The following PCDHGA8 variants were observed in gnomAD, a reference collection of about 807,000 sequenced individuals.
PCDHGA8 encodes protocadherin gamma subfamily A, 8, also known as protocadherin gamma-A8.
In PCDHGA8, 45 loss-of-function variants were observed where a neutral mutation model predicts 59.2. The ratio of observed to expected loss-of-function variants is 0.76; its 90% CI spans 0.60 to 0.98. The LOEUF (loss-of-function observed/expected upper bound fraction) is 0.98. Among genes scored for constraint, PCDHGA8 ranks in the 50% least tolerant of loss-of-function variants. The pLI is 0.00. For synonymous variants in PCDHGA8, 531 were observed against 519.0 expected, an observed-to-expected ratio of 1.02 and a Z score of -0.32; for missense variants, 1,257 against 1,196.2, an observed-to-expected ratio of 1.05 and a Z score of -0.75.
chr5:141,401,655 A>G (rs1011518295), intron 1 of PCDHGA8, among the ~76,000 whole-genome samples: 2 of 152,232 alleles, frequency 1.3e-5, no homozygotes, highest in South Asian at 2.1e-4. Context: ...AAATGACTGG[A>G]TGTTTTCTCA....
Position 141,491,620 on chromosome 5 carries a change from A to C in PCDHGA8, c.2425-3187A>C. On this transcript the variant is annotated intron_variant, in intron 1 of 3. Coordinates refer to ENST00000398604, the MANE Select transcript of PCDHGA8 (RefSeq NM_032088.2). This position sits in a 1 kb window ranked among gnomAD's most constrained non-coding sequence, Gnocchi z 6.9. ...TGACTTCACTTTTCTAAGACCCCTC[A>C]GCGTTCAGCAGCCCACAGCTCTGGC... is the stretch of plus-strand genomic sequence containing the variant. 6.2e-7 allele frequency: 1 copy of C among 1,613,906 alleles called. No individual in the cohort carries two copies. The highest frequency in any genetic ancestry group is 1.1e-5 in the South Asian group (1 of 91,084).
At chr5:141,465,730 T>G (rs1373873081) in intron 1 of PCDHGA8, among the ~76,000 whole-genome samples, 2 of 152,186 alleles carry the variant, frequency 1.3e-5, no homozygotes, top group Non-Finnish European at 2.9e-5. Context: ...CCTCTTGTGC[T>G]TTGTTTTCAG....
intron 1 of PCDHGA8, chr5:141,423,372 C>G: frequency 6.2e-7 from 1 of 1,614,178 alleles, no homozygotes; most frequent in Non-Finnish European, 8.5e-7. Context: ...TGCTGGCACT[C>G]AGGCTGTGGC....
Position 141,448,073 on chromosome 5 carries a change from C to T in PCDHGA8, c.2425-46734C>T, listed in dbSNP as rs1025112556. ...TGCTCTCCAGCCTGGGCAACATGAA[C>T]GAAATGCCATCTTAAAAAAAAAAAA... On this transcript the variant is annotated intron_variant, in intron 1 of 3. Coordinates refer to ENST00000398604, the MANE Select transcript of PCDHGA8 (RefSeq NM_032088.2). 3.3e-5 allele frequency among the ~76,000 whole-genome samples: 5 copies of T among 151,432 alleles called. No individual in the cohort carries two copies. In the East Asian group the frequency reaches 5.8e-4, roughly 18 times the overall value.
rs2099695710 is a variant in PCDHGA8, at chr5:141,490,068, A to G, written c.2425-4739A>G. On this transcript the variant is annotated intron_variant, in intron 1 of 3. Coordinates refer to ENST00000398604, the MANE Select transcript of PCDHGA8 (RefSeq NM_032088.2). This position sits in a 1 kb window ranked among gnomAD's most constrained non-coding sequence, Gnocchi z 5.4. ...ATCCAGACGAGGGCACCAACGGCCA[A>G]CTAGACTATTCTTTTGGAGACCACA... is the stretch of plus-strand genomic sequence containing the variant. 2 of 1,614,152 alleles carry G rather than the reference A, an allele frequency of 1.2e-6. No homozygotes were observed. The highest frequency in any genetic ancestry group is 1.6e-4 in the Middle Eastern group (1 of 6,084).
Position 141,489,088 on chromosome 5 carries a change from G to GCCA in PCDHGA8, c.2425-5719_2425-5718insCCA. ...CCCCTGCCCACCCCCGCCACTCGGTGACTAAGAACTGCTGCAAGCAGGCAA... is the reference window on the plus strand; with the variant it reads ...CCCCTGCCCACCCCCGCCACTCGGTGCCAACTAAGAACTGCTGCAAGCAGGCAA... On this transcript the variant is annotated intron_variant, in intron 1 of 3. Coordinates refer to ENST00000398604, the MANE Select transcript of PCDHGA8 (RefSeq NM_032088.2). This position sits in a 1 kb window ranked among gnomAD's most constrained non-coding sequence, Gnocchi z 4.5. The GCCA allele has an allele frequency of 2.9e-6, 1 of 347,238 alleles. No individual in the cohort carries two copies. 21.5% of individuals were successfully genotyped at this position (347,238 alleles called of 1,614,324 possible). A position where few individuals can be genotyped will look rare whatever the true frequency, so the allele number is the denominator to read the frequency against.
chr5:141,476,725 C>G lies in PCDHGA8; in HGVS notation c.2425-18082C>G. On this transcript the variant is annotated intron_variant, in intron 1 of 3. Coordinates refer to ENST00000398604, the MANE Select transcript of PCDHGA8 (RefSeq NM_032088.2). This position sits in a 1 kb window ranked among gnomAD's most constrained non-coding sequence, Gnocchi z 7.6. ...AGCTGGTGTTGGAGCGCGCCCTGGA[C>G]CGAGAACGGGAGCCTAGTCTCCAGT... The G allele has an allele frequency of 6.2e-7, 1 of 1,614,132 alleles. No homozygotes were observed. Among genetic ancestry groups the G allele is most frequent in the Non-Finnish European group, 8.5e-7 (1 of 1,180,038 alleles).
At chr5:141,481,318 A>C (rs758947998) in intron 1 of PCDHGA8, among the ~76,000 whole-genome samples, 6 of 152,216 alleles carry the variant, frequency 3.9e-5, no homozygotes, top group Non-Finnish European at 8.8e-5. Context: ...TTCCTAAAGC[A>C]CTAGCCCCTG....
Position 141,485,844 on chromosome 5 carries a change from G to T in PCDHGA8, c.2425-8963G>T. On this transcript the variant is annotated intron_variant, in intron 1 of 3. Transcript: ENST00000398604. This position sits in a 1 kb window ranked among gnomAD's most constrained non-coding sequence, Gnocchi z 5.7. ...GATGGAGGGAACCCGCCGAGATCTG[G>T]CACCGCAGAGCTCCGGGTATCCGTG... The T allele has an allele frequency of 1.9e-6, 3 of 1,613,890 alleles. 1 individual carries two copies. The South Asian group carries it at 3.3e-5, about 18-fold the overall frequency.
At chr5:141,428,088 C>G (rs761980796) in intron 1 of PCDHGA8, 5 of 1,608,920 alleles carry the variant, frequency 3.1e-6, no homozygotes, top group Non-Finnish European at 4.2e-6. Context: ...CAACGCTTGG[C>G]TGTCCTACCA....
intron 1 of PCDHGA8, chr5:141,440,534 C>A (rs562736984): frequency 1.3e-5 from 2 of 152,188 alleles, no homozygotes; most frequent in East Asian, 3.9e-4. Flanking sequence ...TCATGCACCA[C>A]GGTTCAGCAG....
At chr5:141,455,389 G>C (rs1190144149) in intron 1 of PCDHGA8, among the ~76,000 whole-genome samples, 1 of 152,114 alleles carries the variant, frequency 6.6e-6, no homozygotes, top group Non-Finnish European at 1.5e-5. Flanking sequence ...GAAGGAAGGA[G>C]CTCCCCCTTA....
chr5:141,407,139 A>G lies in PCDHGA8; in HGVS notation c.2424+11902A>G, dbSNP rs190510544. Among the ~76,000 whole-genome samples, 1,517 of 152,332 alleles carry G rather than the reference A, an allele frequency of 1.0e-2. 33 individuals carry two copies. The highest frequency in any genetic ancestry group is 0.034 in the African/African-American group (1,425 of 41,568). On this transcript the variant is annotated intron_variant, in intron 1 of 3. Coordinates refer to ENST00000398604, the MANE Select transcript of PCDHGA8 (RefSeq NM_032088.2). ...TTTCAGTTGCTTTATTTTTAAGAAA[A>G]AAAAGCTGAAGTGTCTGGGAATCCT...
chr5:141,496,621 CA>C (rs2099769988), intron 2 of PCDHGA8, among the ~76,000 whole-genome samples: 1 of 152,332 alleles, frequency 6.6e-6, no homozygotes, highest in Non-Finnish European at 1.5e-5. Flanking sequence ...AGCAGCAGAT[CA>C]AAAGGCTTGG....
chr5:141,427,914 A>G (rs757621783), intron 1 of PCDHGA8: 123 of 1,576,802 alleles, frequency 7.8e-5, no homozygotes, highest in Non-Finnish European at 7.6e-5. Context: ...CAGCGCCAAC[A>G]TGAGCCGGCG....
intron 1 of PCDHGA8, chr5:141,399,064 A>G: frequency 1.2e-6 from 2 of 1,613,762 alleles, no homozygotes; most frequent in Non-Finnish European, 1.7e-6. Flanking sequence ...GGAATATTCA[A>G]TGGTTGTAGA....
At chr5:141,501,570 G>C (rs1251110101) in intron 2 of PCDHGA8, among the ~76,000 whole-genome samples, 1 of 151,996 alleles carries the variant, frequency 6.6e-6, no homozygotes, top group African/African-American at 2.4e-5. Flanking sequence ...ATCATATTAG[G>C]CTGGCTTTCA....
chr5:141,487,656 C>G lies in PCDHGA8; in HGVS notation c.2425-7151C>G. ...GCTCAACAAATGCTTGAGGGTTATT[C>G]TGATCCAGGCATATGGCTAGGCCAT... On this transcript the variant is annotated intron_variant, in intron 1 of 3. Coordinates refer to ENST00000398604, the MANE Select transcript of PCDHGA8 (RefSeq NM_032088.2). The surrounding 1 kb of genome is among the most constrained non-coding windows in gnomAD (Gnocchi z 5.0). 6.2e-7 allele frequency: 1 copy of G among 1,613,658 alleles called. No individual in the cohort carries two copies. Among genetic ancestry groups the G allele is most frequent in the Non-Finnish European group, 8.5e-7 (1 of 1,179,794 alleles).
At chr5:141,461,394 G>A (rs2099014614) in intron 1 of PCDHGA8, among the ~76,000 whole-genome samples, 1 of 152,098 alleles carries the variant, frequency 6.6e-6, no homozygotes. Flanking sequence ...GATTAGCGAT[G>A]TTGAGCATTT....
Sources: gnomAD v4.1 joint callset for allele counts (sites outside exome capture counted in the v4.1 genomes callset) on GRCh38, gnomAD v4.1.1 for gene constraint, Gnocchi (gnomAD v3.1) non-coding constraint, MANE v1.5 for transcripts, NCBI Gene and HGNC (gene_info 2026-07-23, HGNC 2026-07-21) for gene names.